Variants in DOCK9 observed in about 807,000 individuals in gnomAD.
The protein encoded by DOCK9 is dedicator of cytokinesis protein 9.
Under a neutral mutation model 263.3 loss-of-function variants are expected in DOCK9, and 89 were observed. The observed-to-expected ratio is 0.34, with a 90% CI of 0.28 to 0.40. The LOEUF (loss-of-function observed/expected upper bound fraction) is 0.40, where lower values mean the gene tolerates loss of function less well. Ranked by LOEUF, DOCK9 falls within the 10% of genes least tolerant of loss-of-function variation. The pLI is 1.00. For synonymous variants in DOCK9, 976 were observed against 973.1 expected (o/e 1.00, Z -0.06); for missense variants, 2,140 against 2,603.4 (o/e 0.82, Z 3.87).
At chr13:98,809,257 A>G (rs1372911630) in intron 47 of DOCK9, 95 bp downstream of exon 47, 4 of 1,274,564 alleles carry the variant, frequency 3.1e-6, no homozygotes, top group Non-Finnish European at 4.4e-6. Context: ...CAGAGAATTT[A>G]TAAGATATAA....
chr13:98,834,900 ACACT>A (rs1332758641), intron 39 of DOCK9, among the ~76,000 whole-genome samples: 1 of 152,224 alleles, frequency 6.6e-6, no homozygotes, highest in Non-Finnish European at 1.5e-5. Flanking sequence ...ACACACAAAC[ACACT>A]CACACACATC....
Position 98,903,612 on chromosome 13 carries a change from AAAAAAAAGAC to A in DOCK9, c.1036-510_1036-501del. Reference sequence around the variant, plus strand: ...AAGACTCTGCCTCAAAAAAAAAAAAAAAAAAAAGACAAAAAAAAAAAGACATGATGGTATA... The same window carrying A: ...AAGACTCTGCCTCAAAAAAAAAAAAAAAAAAAAAAAAGACATGATGGTATA... On this transcript the variant is annotated intron_variant, in intron 10 of 52. Transcript: ENST00000682017. Among the ~76,000 whole-genome samples, 3 of 91,648 alleles carry A rather than the reference AAAAAAAAGAC, an allele frequency of 3.3e-5. 1 individual carries two copies. Among genetic ancestry groups the A allele is most frequent in the Non-Finnish European group, 5.1e-5 (2 of 39,224 alleles). The allele number at this position is 91,648 out of a possible 152,430, so 60.1% of individuals were successfully genotyped here.
chr13:98,812,903 T>C (rs1164556254), intron 45 of DOCK9, among the ~76,000 whole-genome samples: 5 of 152,256 alleles, frequency 3.3e-5, no homozygotes, highest in African/African-American at 9.6e-5. Flanking sequence ...AGGAAATAAA[T>C]GGCGATATTT....
At chr13:98,877,972 T>A (rs1461129539) in intron 27 of DOCK9, among the ~76,000 whole-genome samples, 1 of 152,216 alleles carries the variant, frequency 6.6e-6, no homozygotes, top group Non-Finnish European at 1.5e-5. Context: ...AATTCATATG[T>A]TGAAGTCCTA....
At chr13:99,070,385 TTTCC>T (rs1380448297) in intron 1 of DOCK9, among the ~76,000 whole-genome samples, 5 of 152,354 alleles carry the variant, frequency 3.3e-5, no homozygotes, top group African/African-American at 9.6e-5. Flanking sequence ...TTTTCATGTG[TTTCC>T]TTCCAATATT....
At chr13:98,871,260 G>A (rs1381714113) in intron 27 of DOCK9, among the ~76,000 whole-genome samples, 2 of 152,136 alleles carry the variant, frequency 1.3e-5, no homozygotes, top group Non-Finnish European at 2.9e-5. Flanking sequence ...ATCAAGCAAG[G>A]GCAGTAGAAC....
rs768794516 is a variant in DOCK9 at position 98,831,433 on chromosome 13, G to C, written c.4550C>G (p.Thr1517Arg). ...CCNSKLSSIRTEASQLLYFLM... is the reference protein window; with the variant it reads ...CCNSKLSSIRREASQLLYFLM... Reference sequence around the variant, plus strand: ...GAAGTAGAGCAGCTGGGAGGCCTCCGTCCTGATGGAGCTCAGCTTGGAGTT... The same window carrying C: ...GAAGTAGAGCAGCTGGGAGGCCTCCCTCCTGATGGAGCTCAGCTTGGAGTT... Residue 1517 changes from threonine (T) to arginine (R), a missense_variant, in exon 41 of 53, where the codon ACG becomes AGG. Coordinates refer to ENST00000682017, the MANE Select transcript of DOCK9 (RefSeq NM_001366683.2). The C allele has an allele frequency of 6.2e-7, 1 of 1,600,882 alleles. No individual in the cohort carries two copies.
intron 1 of DOCK9, among the ~76,000 whole-genome samples, chr13:99,065,499 C>T (rs2041376380): frequency 6.6e-6 from 1 of 152,146 alleles, no homozygotes; most frequent in Non-Finnish European, 1.5e-5. Context: ...TTCCTCACTC[C>T]CTGGGTGACC....
At chr13:99,028,714 G>C (rs1887035687) in intron 1 of DOCK9, among the ~76,000 whole-genome samples, 1 of 152,156 alleles carries the variant, frequency 6.6e-6, no homozygotes, top group Admixed American at 6.5e-5. Context: ...CCCAGCAACA[G>C]GTAATGTGAC....
In DOCK9 at chr13:98,837,519, A is replaced by G; in HGVS notation, c.4289T>C (p.Leu1430Pro). 6.2e-7 allele frequency: 1 copy of G among 1,613,338 alleles called. No homozygotes were observed. Among genetic ancestry groups the G allele is most frequent in the Non-Finnish European group, 8.5e-7 (1 of 1,179,422 alleles). ...CTTAAACGCCAATGTAAATAGAGAA[A>G]GCGTGTCCAGAGCTGTCAGGCAAAC... ...TEVCLTALDT[L>P]SLFTLAFKNQ... The change falls in exon 39 of 53, where the codon CTT becomes CCT. Residue 1430 changes from leucine (L) to proline (P), a missense_variant. Around this residue, in one of 2 missense-constraint regions of DOCK9, gnomAD observed 1,521 missense variants for 1,741.7 expected, o/e 0.87. Coordinates refer to ENST00000682017, the MANE Select transcript of DOCK9 (RefSeq NM_001366683.2).
In DOCK9 at chr13:98,825,854, GCTGAT is replaced by G; in HGVS notation, c.5023+971_5023+975del. ...AGGGCAGGGGGTCCCCGGGGGCTGG[GCTGAT>G]CCTCAGGCTCACCTCCCCGGCTCCT... is the stretch of plus-strand genomic sequence containing the variant. On this transcript the variant is annotated intron_variant, in intron 44 of 52. Coordinates refer to ENST00000682017, the MANE Select transcript of DOCK9 (RefSeq NM_001366683.2). This position sits in a 1 kb window ranked among gnomAD's most constrained non-coding sequence, Gnocchi z 4.1. 6.6e-7 allele frequency: 1 copy of G among 1,504,074 alleles called. No homozygotes were observed. 93.2% of individuals were successfully genotyped at this position (1,504,074 alleles called of 1,614,324 possible).
chr13:98,826,765 C>T (rs2092558200), intron 44 of DOCK9, 65 bp downstream of exon 44: 4 of 1,334,210 alleles, frequency 3.0e-6, no homozygotes, highest in Middle Eastern at 1.8e-4. Flanking sequence ...ATGGCTCTCA[C>T]TTGTCTGCTG....
chr13:98,867,478 A>C lies in DOCK9; in HGVS notation c.3233T>G (p.Ile1078Ser). The part of the protein sequence containing the change: ...LRVVCNHEHY[I>S]PLNLPMPFGK... ...AAATGGCATTGGTAAGTTCAACGGA[A>C]TATAATGTTCATGGTTGCACACTAC... is the stretch of plus-strand genomic sequence containing the variant. Residue 1078 changes from isoleucine (I) to serine (S), a missense_variant, in exon 30 of 53, where the codon ATT (isoleucine) becomes AGT (serine). By Grantham distance (142) the Ile-to-Ser change is moderately radical. Coordinates refer to ENST00000682017, the MANE Select transcript of DOCK9 (RefSeq NM_001366683.2). 1.9e-6 allele frequency: 3 copies of C among 1,612,988 alleles called. No individual in the cohort carries two copies. The highest frequency in any genetic ancestry group is 2.5e-6 in the Non-Finnish European group (3 of 1,179,484).
rs941628599 is a variant in DOCK9 at position 98,825,333 on chromosome 13, A to G, written c.5024-829T>C. Among the ~76,000 whole-genome samples, 8 of 152,230 alleles carry G rather than the reference A, an allele frequency of 5.3e-5. No homozygotes were observed. Among genetic ancestry groups the G allele is most frequent in the African/African-American group, 1.9e-4 (8 of 41,458 alleles). Reference sequence around the variant, plus strand: ...CTCTATTTTGAGATAACTGTTCACAATAAAATAAAACAGAAGTAAAAACTT... The same window carrying G: ...CTCTATTTTGAGATAACTGTTCACAGTAAAATAAAACAGAAGTAAAAACTT... On this transcript the variant is annotated intron_variant, in intron 44 of 52. Coordinates refer to ENST00000682017, the MANE Select transcript of DOCK9 (RefSeq NM_001366683.2). This position sits in a 1 kb window ranked among gnomAD's most constrained non-coding sequence, Gnocchi z 4.1.
At chr13:98,989,346 G>A (rs4772166) in intron 1 of DOCK9, among the ~76,000 whole-genome samples, 5,410 of 59,746 alleles carry the variant, frequency 0.091, 181 homozygotes, top group African/African-American at 0.15. Flanking sequence ...TGATGATGAT[G>A]ATAATAATAA....
chr13:99,022,015 T>C (rs2142010815), intron 1 of DOCK9, among the ~76,000 whole-genome samples: 1 of 152,302 alleles, frequency 6.6e-6, no homozygotes, highest in Non-Finnish European at 1.5e-5. Context: ...GAAAGTATTA[T>C]TAAATAAGTA....
At chr13:99,017,905 CTAAG>C (rs1258638398) in intron 1 of DOCK9, among the ~76,000 whole-genome samples, 13 of 152,094 alleles carry the variant, frequency 8.5e-5, no homozygotes, top group African/African-American at 2.4e-5. Flanking sequence ...AAAAAGGTAA[CTAAG>C]TGAGGTAATA....
Position 98,881,940 on chromosome 13 carries a change from C to T in DOCK9, c.2627G>A (p.Arg876Gln), listed in dbSNP as rs1359295504. The T allele has an allele frequency of 5.0e-6, 8 of 1,599,136 alleles. No individual in the cohort carries two copies. In the Admixed American group the frequency reaches 6.9e-5, roughly 14 times the overall value. The change falls in exon 24 of 53, where the codon CGA becomes CAA. Residue 876 changes from arginine to glutamine, a missense_variant. Transcript: ENST00000682017. ...FLPTILNQLF[R>Q]VLTRATQEEV... The stretch of plus-strand genomic sequence containing the variant: ...TTCCTGTGTGGCTCTGGTGAGGACT[C>T]GGAACAGCTGGTTTAGGATAGTGGG...
chr13:98,903,389 C>G (rs901275600), intron 10 of DOCK9, among the ~76,000 whole-genome samples: 1 of 151,890 alleles, frequency 6.6e-6, no homozygotes, highest in African/African-American at 2.4e-5. Flanking sequence ...GTCAGGAGAT[C>G]GAGACCATCC....
Sources: gnomAD v4.1 joint callset for allele counts (sites outside exome capture counted in the v4.1 genomes callset) on GRCh38, gnomAD v4.1.1 for gene constraint, gnomAD v4.1.1 regional missense constraint, Gnocchi (gnomAD v3.1) non-coding constraint, MANE v1.5 for transcripts, NCBI Gene and HGNC (gene_info 2026-07-23, HGNC 2026-07-21) for gene names.